Variants in PBX1 observed in about 807,000 individuals in gnomAD.
PBX1 encodes the protein PBX homeobox 1.
PBX1 carries 6 observed loss-of-function variants against 53.4 expected under a neutral mutation model. That is an observed-to-expected ratio of 0.11 (90% confidence interval 0.06 to 0.22). The LOEUF is 0.22. Ranked by LOEUF, PBX1 falls within the 10% of genes least tolerant of loss-of-function variation. The pLI is 1.00. For synonymous variants in PBX1, 204 were observed against 212.3 expected, an observed-to-expected ratio of 0.96 and a Z score of 0.34; for missense variants, 251 against 551.4, an observed-to-expected ratio of 0.46 and a Z score of 5.46.
intron 2 of PBX1, among the ~76,000 whole-genome samples, chr1:164,741,238 A>G (rs1665585208): frequency 6.6e-6 from 1 of 152,234 alleles, no homozygotes; most frequent in African/African-American, 2.4e-5. Context: ...CATGAAGTGA[A>G]GGCAGCATTC....
intron 2 of PBX1, among the ~76,000 whole-genome samples, chr1:164,650,376 C>T (rs950804660): frequency 1.7e-4 from 26 of 152,036 alleles, no homozygotes; most frequent in African/African-American, 5.8e-4. Context: ...TTACAGGCAC[C>T]TGCTACCATG....
chr1:164,775,178 A>T (rs1449258413), intron 2 of PBX1, among the ~76,000 whole-genome samples: 13 of 152,076 alleles, frequency 8.5e-5, no homozygotes, highest in Admixed American at 8.5e-4. Flanking sequence ...TGGTGGCTAA[A>T]TATTTACTTT....
intron 3 of PBX1, among the ~76,000 whole-genome samples, chr1:164,797,957 T>C (rs1272825047): frequency 6.6e-6 from 1 of 152,230 alleles, no homozygotes; most frequent in Admixed American, 6.5e-5. Flanking sequence ...GCTGTGTTCA[T>C]GTGAGGGATT....
At chr1:164,854,666 C>T (rs1456595020), downstream of PBX1, among the ~76,000 whole-genome samples, 1 of 151,906 alleles carries the variant, frequency 6.6e-6, no homozygotes, top group Non-Finnish European at 1.5e-5. Flanking sequence ...CTGAGGTCAC[C>T]TTGGGCATGG....
chr1:164,559,799 C>A lies in PBX1; in HGVS notation c.-24C>A. 6.6e-7 allele frequency: 1 copy of A among 1,525,282 alleles called. No homozygotes were observed. The highest frequency in any genetic ancestry group is 8.8e-7 in the Non-Finnish European group (1 of 1,134,050). The allele number at this position is 1,525,282 out of a possible 1,614,324, so 94.5% of individuals were successfully genotyped here. A position where few individuals can be genotyped will look rare whatever the true frequency, so the allele number is the denominator to read the frequency against. ...AGCCGAGGAGCAGAAGAGGAAGAGCCGGGGGCTGCCGTAGCCTTTGGAGAT... is the reference window on the plus strand; with the variant it reads ...AGCCGAGGAGCAGAAGAGGAAGAGCAGGGGGCTGCCGTAGCCTTTGGAGAT... On this transcript the variant is annotated 5_prime_UTR_variant, in exon 1 of 9. Transcript: ENST00000420696.
chr1:164,589,335 T>C (rs1369182405), intron 2 of PBX1, among the ~76,000 whole-genome samples: 1 of 151,570 alleles, frequency 6.6e-6, no homozygotes, highest in African/African-American at 2.4e-5. Flanking sequence ...GGGAAGAGAG[T>C]ATGGGATGAT....
At chr1:164,647,352 C>T (rs933756266) in intron 2 of PBX1, among the ~76,000 whole-genome samples, 1 of 152,124 alleles carries the variant, frequency 6.6e-6, no homozygotes. Flanking sequence ...GTCCGGACCC[C>T]AGAGCCACCA....
chr1:164,812,144 C>T lies in PBX1; in HGVS notation c.992C>T (p.Ser331Leu). The T allele has an allele frequency of 3.7e-6, 6 of 1,607,704 alleles. No homozygotes were observed. The highest frequency in any genetic ancestry group is 1.7e-5 in the Admixed American group (1 of 59,356). Residue 331 changes from serine (S) to leucine (L), a missense_variant, in exon 6 of 9, where the codon TCG becomes TTG. Coordinates refer to ENST00000420696, the MANE Select transcript of PBX1 (RefSeq NM_002585.4). ...GCTAACTCGCCCTCAACTCCCAACT[C>T]GGCTGGTTAGTTTTTTCTTTGATTG... is the stretch of plus-strand genomic sequence containing the variant. The part of the protein sequence containing the change: ...SQANSPSTPN[S>L]AGSSSSFNMS...
intron 2 of PBX1, among the ~76,000 whole-genome samples, chr1:164,739,174 A>G (rs79218196): frequency 0.049 from 7,426 of 152,238 alleles, 344 homozygotes; most frequent in East Asian, 0.14. Flanking sequence ...AATATCTTAA[A>G]TAACACATAA....
intron 2 of PBX1, among the ~76,000 whole-genome samples, chr1:164,614,858 C>T (rs1230941787): frequency 6.6e-6 from 1 of 152,164 alleles, no homozygotes; most frequent in Non-Finnish European, 1.5e-5. Flanking sequence ...ACCACAGCCT[C>T]CACCTCCTGG....
intron 2 of PBX1, among the ~76,000 whole-genome samples, chr1:164,646,380 T>C (rs1659452905): frequency 6.6e-6 from 1 of 152,174 alleles, no homozygotes. Flanking sequence ...TGATCAACAG[T>C]AGGAAAGCTT....
At chr1:164,737,638 C>G (rs1250739408) in intron 2 of PBX1, among the ~76,000 whole-genome samples, 1 of 151,996 alleles carries the variant, frequency 6.6e-6, no homozygotes, top group Non-Finnish European at 1.5e-5. Flanking sequence ...ACCACCATGC[C>G]CAACTGATTT....
intron 8 of PBX1, among the ~76,000 whole-genome samples, chr1:164,822,392 G>A (rs1670203791): frequency 6.6e-6 from 1 of 152,148 alleles, no homozygotes; most frequent in African/African-American, 2.4e-5. Context: ...CAGGAGGCTT[G>A]AGTAGAACTA....
At chr1:164,685,817 G>A (rs1662060311) in intron 2 of PBX1, among the ~76,000 whole-genome samples, 1 of 152,192 alleles carries the variant, frequency 6.6e-6, no homozygotes, top group Non-Finnish European at 1.5e-5. Flanking sequence ...TGACTCCAAA[G>A]GCTAAGTGCA....
chr1:164,743,200 G>C (rs1665708550), intron 2 of PBX1, among the ~76,000 whole-genome samples: 1 of 152,176 alleles, frequency 6.6e-6, no homozygotes, highest in African/African-American at 2.4e-5. Context: ...CATGATAATA[G>C]TAATATGTAT....
intron 2 of PBX1, among the ~76,000 whole-genome samples, chr1:164,606,409 G>A (rs1656560650): frequency 1.3e-5 from 2 of 152,114 alleles, no homozygotes; most frequent in Admixed American, 1.3e-4. Context: ...AGAATTGTTT[G>A]AACCTGGGAG....
rs1458267934 is a variant in PBX1 at position 164,792,626 on chromosome 1, C to T, written c.398C>T (p.Ala133Val). ...GGGTCGGCGGCAGCGGCGGCAGCGG[C>T]GGCGGCTTCTGGAGGGGCAGGTTCA... ...GGGSAAAAAA[A>V]AASGGAGSDN... The change falls in exon 3 of 9, where the codon GCG (alanine) becomes GTG (valine). Residue 133 changes from alanine to valine, a missense_variant. By Grantham distance (64) the Ala-to-Val change is moderately conservative. Coordinates refer to ENST00000420696, the MANE Select transcript of PBX1 (RefSeq NM_002585.4). 5 of 1,613,508 alleles carry T rather than the reference C, an allele frequency of 3.1e-6. No homozygotes were observed. In the Admixed American group the frequency reaches 6.7e-5, roughly 22 times the overall value.
chr1:164,721,240 G>A (rs1664390917), intron 2 of PBX1, among the ~76,000 whole-genome samples: 1 of 152,208 alleles, frequency 6.6e-6, no homozygotes, highest in South Asian at 2.1e-4. Flanking sequence ...AGCTGAGCAC[G>A]GAGGAACAGG....
At chr1:164,600,246 C>CTTTTTT (rs71097539) in intron 2 of PBX1, among the ~76,000 whole-genome samples, 11 of 121,814 alleles carry the variant, frequency 9.0e-5, no homozygotes, top group Admixed American at 3.0e-4. Context: ...TATGCTGCTG[C>CTTTTTT]TTTTTTTTTT....
Sources: gnomAD v4.1 joint callset for allele counts (sites outside exome capture counted in the v4.1 genomes callset) on GRCh38, gnomAD v4.1.1 for gene constraint, MANE v1.5 for transcripts, NCBI Gene and HGNC (gene_info 2026-07-23, HGNC 2026-07-21) for gene names.